WNK1: variants seen among roughly 807,000 people sequenced by gnomAD.
WNK1 encodes WNK lysine deficient protein kinase 1, also known as serine/threonine-protein kinase WNK1.
WNK1 carries 38 observed loss-of-function variants against 222.8 expected under a neutral mutation model. The ratio of observed to expected loss-of-function variants is 0.17; its 90% confidence interval spans 0.13 to 0.22. The LOEUF (loss-of-function observed/expected upper bound fraction) is 0.22. Among genes scored for constraint, WNK1 ranks in the 10% least tolerant of loss-of-function variants. The pLI is 1.00. For synonymous variants in WNK1, 1,090 were observed against 1,092.9 expected, an observed-to-expected ratio of 1.00 and a Z score of 0.05; for missense variants, 2,348 against 2,918.4, an observed-to-expected ratio of 0.80 and a Z score of 4.50.
chr12:872,298 G>A (rs1952227121), intron 9 of WNK1, among the ~76,000 whole-genome samples: 1 of 151,958 alleles, frequency 6.6e-6, no homozygotes, highest in Non-Finnish European at 1.5e-5. Flanking sequence ...GCTAATTTTT[G>A]TATTACGTTC....
chr12:894,718 G>T, intron 23 of WNK1, 83 bp downstream of exon 23: 1 of 1,269,816 alleles, frequency 7.9e-7, no homozygotes, highest in South Asian at 1.2e-5. Flanking sequence ...ACCTATTTGG[G>T]ACACAATTGC....
rs551809869 is a variant in WNK1, at chr12:796,325, T to G, written c.760-17317T>G. Among the ~76,000 whole-genome samples the G allele has an allele frequency of 2.0e-5, 3 of 152,306 alleles. No individual in the cohort carries two copies. The East Asian group carries it at 5.8e-4, about 29-fold the overall frequency. On this transcript the variant is annotated intron_variant, in intron 1 of 27. Transcript: ENST00000315939. ...CTTAATTCCTTTATTCCATCTGTTG[T>G]GCTACTTGTCATGTATTTTTCTGAA...
chr12:871,347 A>G lies in WNK1; in HGVS notation c.2222A>G (p.Gln741Arg), dbSNP rs979483248. Residue 741 changes from glutamine (Q) to arginine (R), a missense_variant and splice_region_variant, in exon 9 of 28, where the codon CAG (glutamine) becomes CGG (arginine). Around this residue, in one of 13 missense-constraint regions of WNK1, gnomAD observed 547 missense variants for 558.3 expected, o/e 0.98. Transcript: ENST00000315939. ...SSSQPIQHPQ[Q>R]QQGIQQTAPP... Reference sequence around the variant, plus strand: ...TCCCAACCCATACAACATCCTCAGCAGGTGAGAACAATGCATTGCAACATT... The same window carrying G: ...TCCCAACCCATACAACATCCTCAGCGGGTGAGAACAATGCATTGCAACATT... 3 of 1,614,052 alleles carry G rather than the reference A, an allele frequency of 1.9e-6. No homozygotes were observed. Among genetic ancestry groups the G allele is most frequent in the Non-Finnish European group, 2.5e-6 (3 of 1,179,896 alleles).
In WNK1 at chr12:813,833, C is replaced by G. The variant is rs751552421; in HGVS notation, c.932+19C>G. On this transcript the variant is annotated intron_variant, in intron 2 of 27. Coordinates refer to ENST00000315939, the MANE Select transcript of WNK1 (RefSeq NM_018979.4). Reference sequence around the variant, plus strand: ...TTAAAACGTAAGTTCATCAGTATTACAAAAGCTGACCAAGAAGTATGAGAG... The same window carrying G: ...TTAAAACGTAAGTTCATCAGTATTAGAAAAGCTGACCAAGAAGTATGAGAG... The G allele has an allele frequency of 3.1e-6, 5 of 1,612,266 alleles. No individual in the cohort carries two copies. The highest frequency in any genetic ancestry group is 2.2e-5 in the East Asian group (1 of 44,774).
chr12:871,788 A>T (rs550394761), intron 9 of WNK1, among the ~76,000 whole-genome samples: 6 of 152,042 alleles, frequency 3.9e-5, no homozygotes, highest in Non-Finnish European at 8.8e-5. Context: ...TTTTTAGTAG[A>T]GACGGGGTTT....
In WNK1 at chr12:909,276, T is replaced by C. The variant is rs1009291787; in HGVS notation, c.*484T>C. ...CTCCCTTTTTTTTACCCCTCTCTTT[T>C]TTATTTTTTCTTTGCTCTTTAGAAC... On this transcript the variant is annotated 3_prime_UTR_variant, in exon 28 of 28. Transcript: ENST00000315939. 1.2e-5 allele frequency: 2 copies of C among 164,478 alleles called. No homozygotes were observed. The highest frequency in any genetic ancestry group is 5.7e-5 in the Admixed American group (1 of 17,484). The allele number at this position is 164,478 out of a possible 1,614,324, so 10.2% of individuals were successfully genotyped here.
At chr12:771,486 T>G (rs908748059) in intron 1 of WNK1, among the ~76,000 whole-genome samples, 8 of 152,050 alleles carry the variant, frequency 5.3e-5, no homozygotes, top group Non-Finnish European at 1.5e-5. Flanking sequence ...AATAGTTAAA[T>G]TTTTTTGTTT....
intron 22 of WNK1, among the ~76,000 whole-genome samples, chr12:894,034 G>A (rs1475435993): frequency 2.0e-5 from 3 of 151,444 alleles, no homozygotes; most frequent in South Asian, 2.1e-4. Flanking sequence ...CCTGGACAAC[G>A]TGGTGAAACT....
At chr12:776,897 A>G (rs751328987) in intron 1 of WNK1, among the ~76,000 whole-genome samples, 18 of 152,208 alleles carry the variant, frequency 1.2e-4, no homozygotes, top group Non-Finnish European at 2.4e-4. Flanking sequence ...CCATAGTGCT[A>G]TGTTTGAGTC....
At chr12:824,094 A>G (rs915400988) in intron 2 of WNK1, among the ~76,000 whole-genome samples, 1 of 151,398 alleles carries the variant, frequency 6.6e-6, no homozygotes. Flanking sequence ...TTTAGTAGAC[A>G]CCATGTTTCG....
intron 1 of WNK1, among the ~76,000 whole-genome samples, chr12:777,655 A>G (rs867556307): frequency 6.6e-6 from 1 of 152,232 alleles, no homozygotes; most frequent in Admixed American, 6.5e-5. Context: ...ACTGGGAAGC[A>G]TTTGAAGAGA....
intron 8 of WNK1, chr12:865,391 T>C (rs1951579758): frequency 6.6e-7 from 1 of 1,525,818 alleles, no homozygotes; most frequent in African/African-American, 1.4e-5. Context: ...TTCTGACAAA[T>C]GAACAATTAT....
chr12:818,004 G>T (rs1947514471), intron 2 of WNK1, among the ~76,000 whole-genome samples: 1 of 152,094 alleles, frequency 6.6e-6, no homozygotes, highest in East Asian at 1.9e-4. Flanking sequence ...AAATTTAGAT[G>T]TATTTTTTTA....
chr12:855,442 TCTTGTA>T (rs1455747711), intron 4 of WNK1, among the ~76,000 whole-genome samples: 1 of 152,212 alleles, frequency 6.6e-6, no homozygotes, highest in East Asian at 1.9e-4. Flanking sequence ...TGGATATAAC[TCTTGTA>T]CTTAAAAGAC....
At chr12:765,315 A>AGGCAGG (rs1225681219) in intron 1 of WNK1, among the ~76,000 whole-genome samples, 1 of 147,084 alleles carries the variant, frequency 6.8e-6, no homozygotes, top group East Asian at 2.0e-4. Context: ...TGGAAGGCTG[A>AGGCAGG]GGCAGGAGGA....
At chr12:907,142 C>A (rs1167916672) in intron 26 of WNK1, among the ~76,000 whole-genome samples, 3 of 151,430 alleles carry the variant, frequency 2.0e-5, no homozygotes, top group African/African-American at 7.3e-5. Flanking sequence ...GCCAACACGG[C>A]AAAACCCTGT....
intron 1 of WNK1, among the ~76,000 whole-genome samples, chr12:777,770 A>C (rs981506903): frequency 1.3e-5 from 2 of 152,188 alleles, no homozygotes; most frequent in African/African-American, 4.8e-5. Flanking sequence ...CAATAGCTAC[A>C]TGGTAGCTAT....
chr12:887,245 C>A lies in WNK1; in HGVS notation c.5305C>A (p.Pro1769Thr), dbSNP rs1565588175. ...GGTGCTGCCAGTGGGTACTGAACTTCCAGCAGGTACTCTACCCAGCGAGCA... is the reference window on the plus strand; with the variant it reads ...GGTGCTGCCAGTGGGTACTGAACTTACAGCAGGTACTCTACCCAGCGAGCA... ...APVLPVGTEL[P>T]AGTLPSEQLP... is the part of the protein sequence containing the mutation. Residue 1769 changes from proline (P) to threonine (T), a missense_variant, in exon 20 of 28, where the codon CCA becomes ACA. This residue lies in a region of WNK1 where 1,144 missense variants were observed against 1,273.6 expected (regional missense o/e 0.90). Transcript: ENST00000315939. 6.2e-7 allele frequency: 1 copy of A among 1,614,168 alleles called. No homozygotes were observed. The highest frequency in any genetic ancestry group is 8.5e-7 in the Non-Finnish European group (1 of 1,180,018).
At chr12:829,420 A>G (rs1399858891) in intron 3 of WNK1, among the ~76,000 whole-genome samples, 6 of 152,144 alleles carry the variant, frequency 3.9e-5, no homozygotes, top group Non-Finnish European at 8.8e-5. Flanking sequence ...GGAGACAATT[A>G]CGTTTTATTT....
Sources: allele counts gnomAD v4.1 joint callset (sites outside exome capture counted in the v4.1 genomes callset), GRCh38; gene constraint gnomAD v4.1.1; regional missense constraint gnomAD v4.1.1; transcripts MANE v1.5; gene names NCBI Gene and HGNC (gene_info 2026-07-23, HGNC 2026-07-21).